Variants in DCUN1D5 observed in about 807,000 individuals in gnomAD.
DCUN1D5 encodes DCN1-like protein 5.
Under a neutral mutation model 38.3 loss-of-function variants are expected in DCUN1D5, and 10 were observed. The observed-to-expected ratio is 0.26, with a 90% confidence interval of 0.16 to 0.44. The LOEUF (loss-of-function observed/expected upper bound fraction) is 0.44, where lower values mean the gene tolerates loss of function less well. Ranked by LOEUF, DCUN1D5 falls within the 20% of genes least tolerant of loss-of-function variation. The pLI is 1.00. For synonymous variants in DCUN1D5, 93 were observed against 90.9 expected, an observed-to-expected ratio of 1.02 and a Z score of -0.13; for missense variants, 148 against 275.3, an observed-to-expected ratio of 0.54 and a Z score of 3.27.
In DCUN1D5 at chr11:103,071,680, G is replaced by A. The variant is rs1319594822; in HGVS notation, c.342-5113C>T. Among the ~76,000 whole-genome samples the A allele has an allele frequency of 6.6e-6, 1 of 150,790 alleles. No homozygotes were observed. The highest frequency in any genetic ancestry group is 1.5e-5 in the Non-Finnish European group (1 of 67,636). ...TTCTACATCAAAACTTGGATGAAAT[G>A]GACCAATAAGTTCCTTGAAAAACAC... On this transcript the variant is annotated intron_variant, in intron 4 of 7. Transcript: ENST00000260247. This position sits in a 1 kb window ranked among gnomAD's most constrained non-coding sequence, Gnocchi z 4.1.
Position 103,083,268 on chromosome 11 carries a change from A to G in DCUN1D5, c.237T>C (p.Val79=). ...GMEKFCEDIG[V]EPENIIMLVL... ...AAATAAAACATACATTTTCAGGTTC[A>G]ACACCAATGTCTTCACAAAATTTTT... is the stretch of plus-strand genomic sequence containing the variant. The change falls in exon 3 of 8, where the codon GTT becomes GTC. Residue 79 remains valine, a synonymous_variant. Transcript: ENST00000260247. This position sits in a 1 kb window ranked among gnomAD's most constrained non-coding sequence, Gnocchi z 4.4. 1.9e-6 allele frequency: 3 copies of G among 1,587,000 alleles called. No homozygotes were observed. The South Asian group carries it at 3.3e-5, about 18-fold the overall frequency.
At chr11:103,082,926 A>G (rs930680734) in intron 3 of DCUN1D5, 87 bp from the exon 4 acceptor site, 39 of 957,596 alleles carry the variant, frequency 4.1e-5, no homozygotes, top group South Asian at 1.3e-4. Context: ...ATTTTTACAC[A>G]ACTACTTCCA....
intron 4 of DCUN1D5, among the ~76,000 whole-genome samples, chr11:103,076,062 A>C (rs1383908997): frequency 6.6e-6 from 1 of 152,194 alleles, no homozygotes; most frequent in Non-Finnish European, 1.5e-5. Context: ...CTTTCATACA[A>C]AATCTCACAC....
chr11:103,051,509 C>CCCGCCA lies in DCUN1D5; in HGVS notation c.*10849_*10850insTGGCGG, dbSNP rs1555025581. ...GGCTTCACATATTTACTTCCCCCCC[C>CCCGCCA]CCCCCGCCACCCCTGTGTTAACAGG... On this transcript the variant is annotated 3_prime_UTR_variant, in exon 8 of 8. Coordinates refer to ENST00000260247, the MANE Select transcript of DCUN1D5 (RefSeq NM_032299.4). 2.1e-5 allele frequency: 3 copies of CCCGCCA among 140,388 alleles called. No homozygotes were observed. Among genetic ancestry groups the CCCGCCA allele is most frequent in the Non-Finnish European group, 4.6e-5 (3 of 64,758 alleles). 8.7% of individuals were successfully genotyped at this position (140,388 alleles called of 1,614,324 possible). A position where few individuals can be genotyped will look rare whatever the true frequency, so the allele number is the denominator to read the frequency against.
intron 4 of DCUN1D5, among the ~76,000 whole-genome samples, chr11:103,072,234 G>A (rs891182081): frequency 2.0e-5 from 3 of 151,790 alleles, no homozygotes; most frequent in East Asian, 3.9e-4. Flanking sequence ...AAAAGAAATA[G>A]GAGAGGATGT....
rs971018157 is a variant in DCUN1D5 at position 103,087,553 on chromosome 11, G to C, written c.178+1674C>G. Among the ~76,000 whole-genome samples the C allele has an allele frequency of 6.6e-6, 1 of 152,196 alleles. No homozygotes were observed. Among genetic ancestry groups the C allele is most frequent in the African/African-American group, 2.4e-5 (1 of 41,456 alleles). ...TATTCCCACCTACTAGAAAGGCTGA[G>C]GTGGGAGGATGGCCTGAGCCCAGGA... On this transcript the variant is annotated intron_variant, in intron 2 of 7. Transcript: ENST00000260247. The surrounding 1 kb of genome is among the most constrained non-coding windows in gnomAD (Gnocchi z 4.1).
In DCUN1D5 at chr11:103,091,989, G is replaced by T; in HGVS notation, c.-117C>A. On this transcript the variant is annotated 5_prime_UTR_variant, in exon 1 of 8. Transcript: ENST00000260247. The surrounding 1 kb of genome is among the most constrained non-coding windows in gnomAD (Gnocchi z 4.3). The stretch of plus-strand genomic sequence containing the variant: ...AGACAGCAGCAAGCGGAGGAGCAGA[G>T]TCGCCAGCCCGCACCGGCGCGGCCC... 2.1e-6 allele frequency: 2 copies of T among 971,530 alleles called. No individual in the cohort carries two copies. Among genetic ancestry groups the T allele is most frequent in the Non-Finnish European group, 3.0e-6 (2 of 674,304 alleles). 60.2% of individuals were successfully genotyped at this position (971,530 alleles called of 1,614,324 possible).
At position 103,091,638 on chromosome 11, in the gene DCUN1D5, C is replaced by G. The variant is rs765944902; in HGVS notation, c.86+149G>C. On this transcript the variant is annotated intron_variant, in intron 1 of 7. Coordinates refer to ENST00000260247, the MANE Select transcript of DCUN1D5 (RefSeq NM_032299.4). This position sits in a 1 kb window ranked among gnomAD's most constrained non-coding sequence, Gnocchi z 4.3. The stretch of plus-strand genomic sequence containing the variant: ...CGAGGTCGGGTCGGGCGCGGAGACT[C>G]GCGGTGTTCGGCACCTACAGCCTAG... The G allele has an allele frequency of 1.7e-4, 247 of 1,455,638 alleles. No individual in the cohort carries two copies. Among genetic ancestry groups the G allele is most frequent in the Non-Finnish European group, 2.2e-4 (235 of 1,065,136 alleles). The allele number at this position is 1,455,638 out of a possible 1,614,324, so 90.2% of individuals were successfully genotyped here.
At position 103,056,386 on chromosome 11, in the gene DCUN1D5, T is replaced by C. The variant is rs562250899; in HGVS notation, c.*5973A>G. Among the ~76,000 whole-genome samples the C allele has an allele frequency of 6.6e-6, 1 of 152,310 alleles. No individual in the cohort carries two copies. The highest frequency in any genetic ancestry group is 2.1e-4 in the South Asian group (1 of 4,826). On this transcript the variant is annotated 3_prime_UTR_variant, in exon 8 of 8. Transcript: ENST00000260247. This position sits in a 1 kb window ranked among gnomAD's most constrained non-coding sequence, Gnocchi z 4.9. ...TACACTCTGTACCAGCTCAGGGCCT[T>C]AGCATGTAATATTCCTTCTGCCTGG... is the stretch of plus-strand genomic sequence containing the variant.
intron 4 of DCUN1D5, among the ~76,000 whole-genome samples, chr11:103,070,561 CA>C (rs1862246905): frequency 6.6e-6 from 1 of 152,020 alleles, no homozygotes; most frequent in Admixed American, 6.6e-5. Flanking sequence ...AATAGAGCTG[CA>C]AAATGTGTGA....
At chr11:103,080,934 A>T (rs1862546220) in intron 4 of DCUN1D5, among the ~76,000 whole-genome samples, 1 of 151,916 alleles carries the variant, frequency 6.6e-6, no homozygotes, top group African/African-American at 2.4e-5. Context: ...GCTTGAACCC[A>T]GGAGGCGGAG....
intron 2 of DCUN1D5, among the ~76,000 whole-genome samples, chr11:103,085,133 G>A (rs1316361682): frequency 3.9e-5 from 6 of 152,068 alleles, no homozygotes; most frequent in Non-Finnish European, 8.8e-5. Context: ...GAAAGCTTTA[G>A]AGGATGTCTA....
At chr11:103,072,691 A>G (rs1374914758) in intron 4 of DCUN1D5, among the ~76,000 whole-genome samples, 1 of 142,282 alleles carries the variant, frequency 7.0e-6, no homozygotes, top group Admixed American at 7.6e-5. Context: ...GTTCTCACTC[A>G]TAGGTGGGAA....
intron 2 of DCUN1D5, among the ~76,000 whole-genome samples, chr11:103,084,786 TC>T (rs1381367411): frequency 1.3e-5 from 2 of 151,080 alleles, no homozygotes; most frequent in African/African-American, 4.9e-5. Context: ...GCCCAAGAGT[TC>T]CAGACAAACC....
rs1318760453 is a variant in DCUN1D5 at position 103,086,339 on chromosome 11, C to G, written c.178+2888G>C. 6.6e-6 allele frequency among the ~76,000 whole-genome samples: 1 copy of G among 151,998 alleles called. No homozygotes were observed. The highest frequency in any genetic ancestry group is 1.5e-5 in the Non-Finnish European group (1 of 68,016). ...TAACATTTGAGTTCTGACTATATAC[C>G]AGGTATTGTGCTAAGGGCTTTACAT... is the stretch of plus-strand genomic sequence containing the variant. On this transcript the variant is annotated intron_variant, in intron 2 of 7. Transcript: ENST00000260247. This position sits in a 1 kb window ranked among gnomAD's most constrained non-coding sequence, Gnocchi z 4.1.
Position 103,091,847 on chromosome 11 carries a change from G to A in DCUN1D5, c.26C>T (p.Ser9Phe), listed in dbSNP as rs778617984. The A allele has an allele frequency of 6.2e-7, 1 of 1,613,960 alleles. No homozygotes were observed. MPVKKKRK[S>F]PGVAAAVAED... ...CGCTACTGCTGCTGCCACCCCAGGG[G>A]ATTTTCTCTTCTTCTTCACCGGCAT... The change falls in exon 1 of 8, where the codon TCC becomes TTC. Residue 9 changes from serine (S) to phenylalanine (F), a missense_variant. Coordinates refer to ENST00000260247, the MANE Select transcript of DCUN1D5 (RefSeq NM_032299.4). This position sits in a 1 kb window ranked among gnomAD's most constrained non-coding sequence, Gnocchi z 4.3.
rs1565277046 is a variant in DCUN1D5 at position 103,051,506 on chromosome 11, C to CCG, written c.*10852_*10853insCG. On this transcript the variant is annotated 3_prime_UTR_variant, in exon 8 of 8. Transcript: ENST00000260247. ...GGTGGCTTCACATATTTACTTCCCCCCCCCCCCCGCCACCCCTGTGTTAAC... is the reference window on the plus strand; with the variant it reads ...GGTGGCTTCACATATTTACTTCCCCCCGCCCCCCCCGCCACCCCTGTGTTAAC... 5.0e-5 allele frequency: 1 copy of CCG among 19,828 alleles called. No homozygotes were observed. The highest frequency in any genetic ancestry group is 1.1e-4 in the African/African-American group (1 of 9,422). 1.2% of individuals were successfully genotyped at this position (19,828 alleles called of 1,614,324 possible).
At chr11:103,074,282 C>T (rs987788784) in intron 4 of DCUN1D5, among the ~76,000 whole-genome samples, 3 of 152,158 alleles carry the variant, frequency 2.0e-5, no homozygotes, top group African/African-American at 4.8e-5. Flanking sequence ...AATTTATCTT[C>T]CATGTTCGTT....
In DCUN1D5 at chr11:103,083,364, T is replaced by A; in HGVS notation, c.179-38A>T. On this transcript the variant is annotated intron_variant, in intron 2 of 7. Transcript: ENST00000260247. This position sits in a 1 kb window ranked among gnomAD's most constrained non-coding sequence, Gnocchi z 4.4. ...AAATAATTAACATATTTTGTTATAA[T>A]ATCAACATAAAACATAAATCGTCAT... 1 of 1,151,838 alleles carries A rather than the reference T, an allele frequency of 8.7e-7. No homozygotes were observed. Among genetic ancestry groups the A allele is most frequent in the Non-Finnish European group, 1.3e-6 (1 of 767,280 alleles). 71.4% of individuals were successfully genotyped at this position (1,151,838 alleles called of 1,614,324 possible). A position where few individuals can be genotyped will look rare whatever the true frequency, so the allele number is the denominator to read the frequency against.
Sources: gnomAD v4.1 joint callset for allele counts (sites outside exome capture counted in the v4.1 genomes callset) on GRCh38, gnomAD v4.1.1 for gene constraint, Gnocchi (gnomAD v3.1) non-coding constraint, MANE v1.5 for transcripts, NCBI Gene and HGNC (gene_info 2026-07-23, HGNC 2026-07-21) for gene names.